The following OPHN1 variants were observed in gnomAD, a reference collection of about 807,000 sequenced individuals.
The protein encoded by OPHN1 is oligophrenin 1, also known as oligophrenin-1.
OPHN1 carries 11 observed loss-of-function variants against 60.7 expected under a neutral mutation model. The ratio of observed to expected loss-of-function variants is 0.18; its 90% CI spans 0.11 to 0.30. OPHN1 has a LOEUF of 0.30. Among genes scored for constraint, OPHN1 ranks in the 10% least tolerant of loss-of-function variants. The pLI is 1.00. For synonymous variants in OPHN1, 226 were observed against 222.6 expected (o/e 1.02, Z -0.14); for missense variants, 449 against 611.0 (o/e 0.73, Z 2.80).
chrX:68,138,953 T>C (rs934127966), intron 15 of OPHN1, among the ~76,000 whole-genome samples: 3 of 111,937 alleles, frequency 2.7e-5, no homozygotes, highest in Non-Finnish European at 5.6e-5. Context: ...ATCTGTAAAA[T>C]TAAAACTGAA....
intron 5 of OPHN1, among the ~76,000 whole-genome samples, chrX:68,264,359 T>C (rs1385277211): frequency 9.0e-6 from 1 of 111,717 alleles, no homozygotes; most frequent in Non-Finnish European, 1.9e-5. Flanking sequence ...TCTACTCATC[T>C]GACAAAGGGC....
At chrX:68,136,308 T>TG (rs1175413211) in intron 15 of OPHN1, among the ~76,000 whole-genome samples, 3 of 82,715 alleles carry the variant, frequency 3.6e-5, no homozygotes, top group Admixed American at 1.3e-4. Flanking sequence ...TTTTTTTTTT[T>TG]TTTTTTTGTT....
chrX:68,163,167 C>A (rs1264987332), intron 15 of OPHN1, among the ~76,000 whole-genome samples: 1 of 110,784 alleles, frequency 9.0e-6, no homozygotes, highest in African/African-American at 3.3e-5. Flanking sequence ...GGTTGTAGTT[C>A]CAAACTGAAG....
At chrX:68,289,834 T>C (rs1445772236) in intron 3 of OPHN1, among the ~76,000 whole-genome samples, 4 of 112,684 alleles carry the variant, frequency 3.5e-5, no homozygotes, top group Non-Finnish European at 7.5e-5. Flanking sequence ...AATTATTAAG[T>C]ATGTCCACTT....
intron 15 of OPHN1, among the ~76,000 whole-genome samples, chrX:68,138,503 C>T (rs889934876): frequency 8.9e-6 from 1 of 111,859 alleles, no homozygotes; most frequent in African/African-American, 3.3e-5. Context: ...TATGGCCACA[C>T]GGACTACTCA....
intron 2 of OPHN1, among the ~76,000 whole-genome samples, chrX:68,388,468 A>G (rs1388489667): frequency 2.8e-5 from 3 of 109,060 alleles, no homozygotes; most frequent in Non-Finnish European, 5.7e-5. Context: ...TCAAAAAAAA[A>G]AAAAAAGAAG....
intron 3 of OPHN1, among the ~76,000 whole-genome samples, chrX:68,289,289 C>T (rs2078059647): frequency 9.0e-6 from 1 of 111,633 alleles, no homozygotes; most frequent in South Asian, 3.7e-4. Context: ...AGAACATTAT[C>T]CTTGGAAAAT....
chrX:68,086,403 C>T (rs2076996146), intron 19 of OPHN1, among the ~76,000 whole-genome samples: 1 of 111,497 alleles, frequency 9.0e-6, no homozygotes, highest in South Asian at 3.8e-4. Flanking sequence ...ATGGAATAAA[C>T]TTTTTCCAAG....
intron 15 of OPHN1, among the ~76,000 whole-genome samples, chrX:68,154,746 G>T (rs1384148732): frequency 9.0e-6 from 1 of 111,133 alleles, no homozygotes; most frequent in Non-Finnish European, 1.9e-5. Context: ...CATATTTTCT[G>T]TGAAAGGTCA....
intron 2 of OPHN1, among the ~76,000 whole-genome samples, chrX:68,425,390 C>A (rs1184884146): frequency 8.9e-6 from 1 of 112,185 alleles, no homozygotes; most frequent in Non-Finnish European, 1.9e-5. Context: ...AGCCAGAAAA[C>A]AAAATAATAA....
chrX:68,169,103 T>C (rs2077375422), intron 15 of OPHN1, among the ~76,000 whole-genome samples: 1 of 111,085 alleles, frequency 9.0e-6, no homozygotes, highest in Non-Finnish European at 1.9e-5. Context: ...CATTCCTTCT[T>C]GCAAAAATCA....
chrX:68,419,690 G>C (rs777170419), intron 2 of OPHN1, among the ~76,000 whole-genome samples: 4 of 109,050 alleles, frequency 3.7e-5, no homozygotes, highest in African/African-American at 1.0e-4. Context: ...ACAAGTGAGC[G>C]CCACCATACT....
chrX:68,115,188 C>T (rs2077121908), intron 16 of OPHN1, among the ~76,000 whole-genome samples: 1 of 112,525 alleles, frequency 8.9e-6, no homozygotes, highest in Non-Finnish European at 1.9e-5. Flanking sequence ...CATATACAAA[C>T]CCATATCCCC....
chrX:68,395,727 G>A (rs1294710228), intron 2 of OPHN1, among the ~76,000 whole-genome samples: 1 of 108,975 alleles, frequency 9.2e-6, no homozygotes, highest in Admixed American at 9.8e-5. Context: ...GATTACAGGC[G>A]TGAGCCACCA....
intron 2 of OPHN1, among the ~76,000 whole-genome samples, chrX:68,337,316 G>A (rs1423993183): frequency 9.0e-6 from 1 of 110,690 alleles, no homozygotes; most frequent in Admixed American, 9.8e-5. Context: ...AAAACGTATT[G>A]TTCGATTTTT....
At chrX:68,394,263 C>T (rs1193383079) in intron 2 of OPHN1, among the ~76,000 whole-genome samples, 1 of 111,400 alleles carries the variant, frequency 9.0e-6, no homozygotes, top group Non-Finnish European at 1.9e-5. Flanking sequence ...CATGAAATTT[C>T]TGAGTTCAAT....
At position 68,097,051 on chromosome X, in the gene OPHN1, G is replaced by T. The variant is rs775296016; in HGVS notation, c.1527-22C>A. 1.2e-5 allele frequency: 14 copies of T among 1,194,706 alleles called. No individual in the cohort carries two copies. The South Asian group carries it at 2.4e-4, about 20-fold the overall frequency. The stretch of plus-strand genomic sequence containing the variant: ...CACACTGCCAGAAGAAAAGGGGCAA[G>T]ATTAACAAAATTTGCTCCAGTATCC... On this transcript the variant is annotated intron_variant, in intron 18 of 24. Coordinates refer to ENST00000355520, the MANE Select transcript of OPHN1 (RefSeq NM_002547.3).
At position 68,073,289 on chromosome X, in the gene OPHN1, C is replaced by T. The variant is rs1263567831; in HGVS notation, c.1697G>A (p.Gly566Asp). The T allele has an allele frequency of 8.3e-7, 1 of 1,204,530 alleles. No homozygotes were observed. Among genetic ancestry groups the T allele is most frequent in the Admixed American group, 2.2e-5 (1 of 45,331 alleles). Residue 566 changes from glycine to aspartate, a missense_variant, in exon 20 of 25, where the codon GGT (glycine) becomes GAT (aspartate). This residue lies in a region of OPHN1 where 166 missense variants were observed against 278.4 expected (regional missense o/e 0.60). Coordinates refer to ENST00000355520, the MANE Select transcript of OPHN1 (RefSeq NM_002547.3). ...CGGTGCAGCGCTTTCCTCAGGTGGA[C>T]CTAAATAGATCTGTGGAGAAAGAAG... ...LIEHFGKIYLGPPEESAAPPV... is the reference protein window; with the variant it reads ...LIEHFGKIYLDPPEESAAPPV...
chrX:68,103,181 G>T (rs753866827), intron 18 of OPHN1, among the ~76,000 whole-genome samples: 1 of 111,698 alleles, frequency 9.0e-6, no homozygotes, highest in Non-Finnish European at 1.9e-5. Context: ...TATCCACCAC[G>T]ATCAAGTTGG....
Sources: allele counts gnomAD v4.1 joint callset (sites outside exome capture counted in the v4.1 genomes callset), GRCh38; gene constraint gnomAD v4.1.1; regional missense constraint gnomAD v4.1.1; transcripts MANE v1.5; gene names NCBI Gene and HGNC (gene_info 2026-07-23, HGNC 2026-07-21).